The following MTUS2 variants were observed in gnomAD, a reference collection of about 807,000 sequenced individuals.
The protein encoded by MTUS2 is microtubule-associated tumor suppressor candidate 2.
In MTUS2, 40 loss-of-function variants were observed where a neutral mutation model predicts 114.1. The ratio of observed to expected loss-of-function variants is 0.35; its 90% CI spans 0.27 to 0.46. MTUS2 has a LOEUF of 0.46. MTUS2 is among the 20% of genes least tolerant of loss of function. The probability of loss-of-function intolerance (pLI) is 1.00; values close to 1 mark genes in which losing one functional copy is unlikely to be tolerated. For synonymous variants in MTUS2, 688 were observed against 672.0 expected (o/e 1.02, Z -0.37); for missense variants, 1,679 against 1,705.4 (o/e 0.98, Z 0.27).
At chr13:28,989,320 A>G (rs1270910605) in intron 2 of MTUS2, among the ~76,000 whole-genome samples, 1 of 152,226 alleles carries the variant, frequency 6.6e-6, no homozygotes, top group Non-Finnish European at 1.5e-5. Flanking sequence ...GGAGCTTATG[A>G]AAATGAGGCC....
At chr13:29,280,651 A>G (rs1325699101) in intron 5 of MTUS2, among the ~76,000 whole-genome samples, 1 of 152,226 alleles carries the variant, frequency 6.6e-6, no homozygotes, top group Non-Finnish European at 1.5e-5. Flanking sequence ...ATCCTTTACT[A>G]AAATATTGTA....
chr13:29,165,681 T>C (rs1201687807), intron 5 of MTUS2, among the ~76,000 whole-genome samples: 10 of 152,242 alleles, frequency 6.6e-5, no homozygotes, highest in Admixed American at 5.9e-4. Context: ...TGTAGAGAAA[T>C]CTTCTGTATT....
At chr13:29,019,626 C>T (rs148774746) in intron 2 of MTUS2, among the ~76,000 whole-genome samples, 4 of 152,248 alleles carry the variant, frequency 2.6e-5, no homozygotes, top group African/African-American at 9.6e-5. Flanking sequence ...TTTAGGACAA[C>T]TTATATGGTA....
At chr13:29,247,873 G>C (rs1341444590) in intron 5 of MTUS2, among the ~76,000 whole-genome samples, 1 of 152,188 alleles carries the variant, frequency 6.6e-6, no homozygotes, top group Non-Finnish European at 1.5e-5. Flanking sequence ...TAGATCTACT[G>C]TTTGATCTAG....
At chr13:29,432,471 T>G (rs1325359886) in intron 8 of MTUS2, among the ~76,000 whole-genome samples, 1 of 152,224 alleles carries the variant, frequency 6.6e-6, no homozygotes, top group Non-Finnish European at 1.5e-5. Flanking sequence ...GAAATATAAC[T>G]GACAAGCAAA....
intron 4 of MTUS2, among the ~76,000 whole-genome samples, chr13:29,045,874 A>G (rs1220016017): frequency 6.6e-6 from 1 of 152,110 alleles, no homozygotes; most frequent in Non-Finnish European, 1.5e-5. Context: ...TCATGGCAGG[A>G]ACTATATTTT....
At chr13:29,370,711 C>T (rs1178520355) in intron 8 of MTUS2, among the ~76,000 whole-genome samples, 1 of 152,178 alleles carries the variant, frequency 6.6e-6, no homozygotes, top group Non-Finnish European at 1.5e-5. Context: ...TTATGGGTTA[C>T]CCAGTCTGTG....
chr13:28,824,481 G>A lies in MTUS2; in HGVS notation c.-316+3870G>A, dbSNP rs1016654902. Among the ~76,000 whole-genome samples, 12 of 152,198 alleles carry A rather than the reference G, an allele frequency of 7.9e-5. 1 individual carries two copies. The South Asian group carries it at 2.5e-3, about 32-fold the overall frequency. ...TTGCCTGATTGCTGTAATGTTCTGT[G>A]TCCTTGACCCTGCTTGAGCCCCCAC... On this transcript the variant is annotated intron_variant, in intron 1 of 15. Transcript: ENST00000612955.
chr13:29,347,239 G>C (rs1487179440), intron 7 of MTUS2, among the ~76,000 whole-genome samples: 3 of 152,040 alleles, frequency 2.0e-5, no homozygotes, highest in Non-Finnish European at 4.4e-5. Context: ...CTTATACTGG[G>C]TTTGATTAGT....
At chr13:29,240,964 C>A (rs1400308629) in intron 5 of MTUS2, among the ~76,000 whole-genome samples, 4 of 152,108 alleles carry the variant, frequency 2.6e-5, no homozygotes, top group Non-Finnish European at 5.9e-5. Flanking sequence ...AAAGATGCCT[C>A]ATTTCTCCTT....
intron 2 of MTUS2, among the ~76,000 whole-genome samples, chr13:28,901,859 A>G (rs886328117): frequency 2.6e-5 from 4 of 152,290 alleles, no homozygotes; most frequent in Admixed American, 2.6e-4. Context: ...TAAATTTTAA[A>G]ATAAGCTTGT....
At chr13:29,032,300 A>C (rs533348093) in intron 3 of MTUS2, among the ~76,000 whole-genome samples, 130 of 152,316 alleles carry the variant, frequency 8.5e-4, no homozygotes, top group African/African-American at 3.0e-3. Flanking sequence ...AATGTGGTGA[A>C]TTTTAATCCC....
intron 4 of MTUS2, among the ~76,000 whole-genome samples, chr13:29,090,024 A>G (rs1889867425): frequency 6.6e-6 from 1 of 152,240 alleles, no homozygotes; most frequent in Admixed American, 6.5e-5. Context: ...TATGGTTGCC[A>G]GAAATCTTGC....
At chr13:29,056,509 A>G (rs926888436) in intron 4 of MTUS2, among the ~76,000 whole-genome samples, 4 of 151,916 alleles carry the variant, frequency 2.6e-5, no homozygotes, top group Non-Finnish European at 5.9e-5. Context: ...TACTGATTTG[A>G]TTTCAGAACC....
chr13:29,491,867 GAT>G, intron 11 of MTUS2, among the ~76,000 whole-genome samples: 1 of 145,962 alleles, frequency 6.9e-6, no homozygotes, highest in Non-Finnish European at 1.5e-5. Flanking sequence ...CCATGTATGT[GAT>G]GTGTGTGTGG....
In MTUS2 at chr13:29,262,254, G is replaced by A. The variant is rs568249044; in HGVS notation, c.2645-19450G>A. 1.1e-4 allele frequency among the ~76,000 whole-genome samples: 17 copies of A among 152,322 alleles called. No individual in the cohort carries two copies. In the South Asian group the frequency reaches 3.5e-3, roughly 32 times the overall value. On this transcript the variant is annotated intron_variant, in intron 5 of 15. Transcript: ENST00000612955. ...AGGGAAACTGAATCATAGAGAAGGT[G>A]GCATTTAATTGGGCTGTGAAGAACT...
intron 5 of MTUS2, among the ~76,000 whole-genome samples, chr13:29,168,961 A>G (rs1415935960): frequency 6.8e-6 from 1 of 147,886 alleles, no homozygotes; most frequent in African/African-American, 2.5e-5. Context: ...GGTCATGTAC[A>G]GGTCAACTCT....
chr13:29,125,725 A>G (rs536641833), intron 5 of MTUS2, among the ~76,000 whole-genome samples: 6 of 152,332 alleles, frequency 3.9e-5, no homozygotes, highest in African/African-American at 1.4e-4. Context: ...AAGTTGTTAA[A>G]AGGCAAACTC....
chr13:28,971,403 C>T lies in MTUS2; in HGVS notation c.-242-53054C>T, dbSNP rs77420584. On this transcript the variant is annotated intron_variant, in intron 2 of 15. Coordinates refer to ENST00000612955, the MANE Select transcript of MTUS2 (RefSeq NM_001033602.4). ...GTGAGCCAAGTACCTAGGATATGTC[C>T]GAAGGAATCCTCAGGCTCTCATTTT... Among the ~76,000 whole-genome samples, 831 of 152,126 alleles carry T rather than the reference C, an allele frequency of 5.5e-3. 8 individuals are homozygous for T. Among genetic ancestry groups the T allele is most frequent in the East Asian group, 0.017 (89 of 5,162 alleles).
Sources: gnomAD v4.1 joint callset for allele counts (sites outside exome capture counted in the v4.1 genomes callset) on GRCh38, gnomAD v4.1.1 for gene constraint, MANE v1.5 for transcripts, NCBI Gene and HGNC (gene_info 2026-07-23, HGNC 2026-07-21) for gene names.